Variants in ZBTB44 observed in about 807,000 individuals in gnomAD.
ZBTB44 encodes zinc finger and BTB domain containing 44, also known as zinc finger and BTB domain-containing protein 44.
ZBTB44 carries 15 observed loss-of-function variants against 54.0 expected under a neutral mutation model. The ratio of observed to expected loss-of-function variants is 0.28; its 90% CI spans 0.19 to 0.43. ZBTB44 has a LOEUF of 0.43. ZBTB44 is among the 20% of genes least tolerant of loss of function. ZBTB44 has a pLI of 1.00. For synonymous variants in ZBTB44, 230 were observed against 250.1 expected (o/e 0.92, Z 0.76); for missense variants, 487 against 707.1 (o/e 0.69, Z 3.53).
At chr11:130,234,094 T>A (rs1226455791) in intron 6 of ZBTB44, 62 bp downstream of exon 6, 12 of 1,537,158 alleles carry the variant, frequency 7.8e-6, no homozygotes, top group Non-Finnish European at 8.8e-6. Flanking sequence ...TTCCTCTTTT[T>A]CTGCCAGCCC....
At chr11:130,254,433 T>C (rs1457397195) in intron 2 of ZBTB44, among the ~76,000 whole-genome samples, 1 of 152,182 alleles carries the variant, frequency 6.6e-6, no homozygotes, top group Non-Finnish European at 1.5e-5. Context: ...CAGACACTTC[T>C]CTAAAGAAGA....
intron 1 of ZBTB44, among the ~76,000 whole-genome samples, chr11:130,265,189 T>A (rs935594060): frequency 1.3e-5 from 2 of 152,120 alleles, no homozygotes; most frequent in African/African-American, 4.8e-5. Flanking sequence ...TACGATGGCC[T>A]CTAAATGACC....
At chr11:130,305,700 AAAG>A (rs1942227460) in intron 1 of ZBTB44, among the ~76,000 whole-genome samples, 1 of 152,238 alleles carries the variant, frequency 6.6e-6, no homozygotes, top group Non-Finnish European at 1.5e-5. Flanking sequence ...TAGCTTAGGC[AAAG>A]AATTCATGAC....
At chr11:130,274,884 G>A (rs1340722946) in intron 1 of ZBTB44, among the ~76,000 whole-genome samples, 4 of 152,132 alleles carry the variant, frequency 2.6e-5, no homozygotes, top group Admixed American at 2.6e-4. Flanking sequence ...AATGATATGG[G>A]AACAGCAGTT....
intron 2 of ZBTB44, among the ~76,000 whole-genome samples, chr11:130,257,248 A>AAG (rs1938515671): frequency 6.6e-6 from 1 of 151,804 alleles, no homozygotes; most frequent in African/African-American, 2.4e-5. Context: ...TAAAAAAAAA[A>AAG]AAAAAAAAAA....
At chr11:130,241,974 A>G (rs1216905100) in intron 2 of ZBTB44, among the ~76,000 whole-genome samples, 1 of 152,162 alleles carries the variant, frequency 6.6e-6, no homozygotes, top group Non-Finnish European at 1.5e-5. Context: ...CCTTGTATTA[A>G]TGCCAATCTT....
intron 1 of ZBTB44, among the ~76,000 whole-genome samples, chr11:130,299,630 G>A (rs113518054): frequency 0.012 from 1,772 of 151,004 alleles, 36 homozygotes; most frequent in African/African-American, 0.041. Context: ...AATGTCTAAT[G>A]TAATAGTAAA....
intron 1 of ZBTB44, among the ~76,000 whole-genome samples, chr11:130,272,984 G>A (rs1311350488): frequency 6.6e-6 from 1 of 152,126 alleles, no homozygotes; most frequent in Non-Finnish European, 1.5e-5. Flanking sequence ...TCAAGAAGCT[G>A]AGTCCTCTTA....
chr11:130,260,105 C>G (rs1448029452), intron 2 of ZBTB44, among the ~76,000 whole-genome samples: 7 of 152,178 alleles, frequency 4.6e-5, no homozygotes, highest in Non-Finnish European at 7.4e-5. Context: ...TTAAATGCAA[C>G]CCCTACTGAA....
At chr11:130,289,419 T>A (rs1262245911) in intron 1 of ZBTB44, among the ~76,000 whole-genome samples, 2 of 149,938 alleles carry the variant, frequency 1.3e-5, no homozygotes, top group Admixed American at 6.6e-5. Context: ...GAGGTGGAGG[T>A]TGCAGTGAGC....
intron 1 of ZBTB44, among the ~76,000 whole-genome samples, chr11:130,274,072 A>C (rs1266174651): frequency 6.6e-6 from 1 of 152,044 alleles, no homozygotes; most frequent in African/African-American, 2.4e-5. Flanking sequence ...TGAGTGACAG[A>C]GCAAGATTGT....
At chr11:130,307,252 G>A (rs1314977822) in intron 1 of ZBTB44, among the ~76,000 whole-genome samples, 2 of 151,824 alleles carry the variant, frequency 1.3e-5, no homozygotes, top group Non-Finnish European at 2.9e-5. Context: ...GTGAAACCCC[G>A]TCTCTACTAA....
At chr11:130,314,302 G>T (rs1942813199) in intron 1 of ZBTB44, 73 bp downstream of exon 1, 1 of 152,462 alleles carries the variant, frequency 6.6e-6, no homozygotes, top group Non-Finnish European at 1.5e-5. Context: ...TGGGGGCCAC[G>T]CGGTGTCAGC....
At chr11:130,276,404 G>T (rs1940102518) in intron 1 of ZBTB44, among the ~76,000 whole-genome samples, 1 of 150,102 alleles carries the variant, frequency 6.7e-6, no homozygotes, top group Non-Finnish European at 1.5e-5. Context: ...CTATTTACTT[G>T]TTGACCTTTT....
intron 1 of ZBTB44, among the ~76,000 whole-genome samples, chr11:130,300,961 T>C (rs1941955167): frequency 6.6e-6 from 1 of 151,868 alleles, no homozygotes; most frequent in Non-Finnish European, 1.5e-5. Context: ...AGCTAGAAAA[T>C]GTTTTTTTCC....
intron 1 of ZBTB44, among the ~76,000 whole-genome samples, chr11:130,313,960 A>AT (rs1396698284): frequency 1.4e-5 from 2 of 143,312 alleles, no homozygotes; most frequent in African/African-American, 5.4e-5. Context: ...ATATATATAT[A>AT]TATATATTTT....
At chr11:130,290,220 A>G (rs112821689) in intron 1 of ZBTB44, among the ~76,000 whole-genome samples, 9,502 of 152,238 alleles carry the variant, frequency 0.062, 734 homozygotes, top group African/African-American at 0.18. Context: ...TGAATGATAT[A>G]GTCACAAGAT....
intron 1 of ZBTB44, chr11:130,285,602 T>C: frequency 4.3e-6 from 1 of 232,386 alleles, no homozygotes; most frequent in South Asian, 7.0e-5. Flanking sequence ...TCTTTTTTGT[T>C]CTTCTGATCT....
intron 1 of ZBTB44, chr11:130,295,801 T>G (rs574943222): frequency 1.4e-6 from 2 of 1,426,444 alleles, no homozygotes; most frequent in African/African-American, 1.4e-5. Context: ...CAGGAATGCA[T>G]GCGGAGTCCT....
Sources: allele counts gnomAD v4.1 joint callset (sites outside exome capture counted in the v4.1 genomes callset), GRCh38; gene constraint gnomAD v4.1.1; transcripts MANE v1.5; gene names NCBI Gene and HGNC (gene_info 2026-07-23, HGNC 2026-07-21).